FAM171A1: variants seen among roughly 807,000 people sequenced by gnomAD.
FAM171A1 encodes protein FAM171A1.
FAM171A1 carries 23 observed loss-of-function variants against 74.9 expected under a neutral mutation model. The ratio of observed to expected loss-of-function variants is 0.31; its 90% CI spans 0.22 to 0.44. The LOEUF (loss-of-function observed/expected upper bound fraction) is 0.44. FAM171A1 is among the 20% of genes least tolerant of loss of function. The probability of loss-of-function intolerance (pLI) is 1.00; values close to 1 mark genes in which losing one functional copy is unlikely to be tolerated. For synonymous variants in FAM171A1, 527 were observed against 505.7 expected, an observed-to-expected ratio of 1.04 and a Z score of -0.57; for missense variants, 1,162 against 1,159.2, an observed-to-expected ratio of 1.00 and a Z score of -0.03.
In FAM171A1 at chr10:15,327,999, G is replaced by A. The variant is rs185224588; in HGVS notation, c.97+42957C>T. ...AATCTCGGTCTAAAACTCTCAGTCC[G>A]AAAACTTGCCTCAGAACACTGTAGA... On this transcript the variant is annotated intron_variant, in intron 1 of 7. Coordinates refer to ENST00000378116, the MANE Select transcript of FAM171A1 (RefSeq NM_001010924.2). 6.1e-5 allele frequency among the ~76,000 whole-genome samples: 9 copies of A among 147,236 alleles called. No individual in the cohort carries two copies. The East Asian group carries it at 1.0e-3, about 16-fold the overall frequency.
At chr10:15,336,026 C>A (rs1050406533) in intron 1 of FAM171A1, among the ~76,000 whole-genome samples, 1 of 152,070 alleles carries the variant, frequency 6.6e-6, no homozygotes, top group Non-Finnish European at 1.5e-5. Flanking sequence ...TAATCAGGAA[C>A]TTAATACAGC....
chr10:15,299,844 G>C (rs1197019310), intron 1 of FAM171A1, among the ~76,000 whole-genome samples: 1 of 152,046 alleles, frequency 6.6e-6, no homozygotes, highest in Non-Finnish European at 1.5e-5. Context: ...CGGGCGTGGT[G>C]GTGGGTGCCT....
At chr10:15,274,655 C>T (rs1834869578) in intron 3 of FAM171A1, among the ~76,000 whole-genome samples, 1 of 152,122 alleles carries the variant, frequency 6.6e-6, no homozygotes, top group Non-Finnish European at 1.5e-5. Flanking sequence ...GTTACAGTAA[C>T]CAAAACAGCA....
At chr10:15,307,754 A>T (rs1835314422) in intron 1 of FAM171A1, among the ~76,000 whole-genome samples, 1 of 151,590 alleles carries the variant, frequency 6.6e-6, no homozygotes, top group Non-Finnish European at 1.5e-5. Context: ...TTTCCTTCCT[A>T]ATCAACCAAC....
At chr10:15,218,763 TA>T (rs1472133801) in intron 6 of FAM171A1, among the ~76,000 whole-genome samples, 1 of 151,956 alleles carries the variant, frequency 6.6e-6, no homozygotes, top group African/African-American at 2.4e-5. Context: ...ACTGGCTAAT[TA>T]AAAAAAATTT....
rs898863593 is a variant in FAM171A1, at chr10:15,214,127, A to G, written c.1461T>C (p.Gly487=). The part of the protein sequence containing the change: ...YESSGNDDYR[G]SYNTVLSQPL... Reference sequence around the variant, plus strand: ...GCTGTGAGAGCACGGTGTTGTAACTACCCCTGTAGTCATCATTGCCCGAGG... The same window carrying G: ...GCTGTGAGAGCACGGTGTTGTAACTGCCCCTGTAGTCATCATTGCCCGAGG... The change falls in exon 8 of 8, where the codon GGT becomes GGC. Residue 487 remains glycine (G), a synonymous_variant. Coordinates refer to ENST00000378116, the MANE Select transcript of FAM171A1 (RefSeq NM_001010924.2). The G allele has an allele frequency of 1.9e-6, 3 of 1,613,640 alleles. No individual in the cohort carries two copies. Among genetic ancestry groups the G allele is most frequent in the African/African-American group, 1.3e-5 (1 of 74,776 alleles).
At position 15,348,718 on chromosome 10, in the gene FAM171A1, C is replaced by T. The variant is rs1194796967; in HGVS notation, c.97+22238G>A. Among the ~76,000 whole-genome samples the T allele has an allele frequency of 5.9e-5, 9 of 152,204 alleles. No individual in the cohort carries two copies. The East Asian group carries it at 9.6e-4, about 16-fold the overall frequency. The stretch of plus-strand genomic sequence containing the variant: ...GCCACACGGGACCCTGAATTTGAAT[C>T]TGCATTTAACAAGATCCCCAGCTGA... On this transcript the variant is annotated intron_variant, in intron 1 of 7. Coordinates refer to ENST00000378116, the MANE Select transcript of FAM171A1 (RefSeq NM_001010924.2).
intron 1 of FAM171A1, among the ~76,000 whole-genome samples, chr10:15,324,807 T>A (rs374976522): frequency 3.3e-5 from 5 of 152,284 alleles, no homozygotes; most frequent in Admixed American, 2.0e-4. Flanking sequence ...TTTGTTGTCA[T>A]GATAGAAACC....
intron 7 of FAM171A1, among the ~76,000 whole-genome samples, chr10:15,214,886 G>A (rs572455538): frequency 8.9e-4 from 135 of 151,194 alleles, no homozygotes; most frequent in African/African-American, 3.1e-3. Context: ...TCAGCCTCCC[G>A]AGCAGCTGGC....
Position 15,262,150 on chromosome 10 carries a change from G to A in FAM171A1, c.419-7271C>T, listed in dbSNP as rs181808955. On this transcript the variant is annotated intron_variant, in intron 3 of 7. Transcript: ENST00000378116. ...AATCAATGAGTTTGGATTTGTGTGG[G>A]CCTGCAGGGGAGAGCGTGTGGGAGT... Among the ~76,000 whole-genome samples, 428 of 152,270 alleles carry A rather than the reference G, an allele frequency of 2.8e-3. 1 individual carries two copies. Among genetic ancestry groups the A allele is most frequent in the African/African-American group, 9.8e-3 (407 of 41,546 alleles).
chr10:15,368,793 G>A lies in FAM171A1; in HGVS notation c.97+2163C>T, dbSNP rs554930751. ...GAGAACACATGAATTTTAAAACTAC[G>A]TCATACTACAGCAAGTGAACATTAA... On this transcript the variant is annotated intron_variant, in intron 1 of 7. Transcript: ENST00000378116. Among the ~76,000 whole-genome samples, 7 of 152,252 alleles carry A rather than the reference G, an allele frequency of 4.6e-5. No individual in the cohort carries two copies. In the East Asian group the frequency reaches 5.8e-4, roughly 13 times the overall value.
intron 1 of FAM171A1, among the ~76,000 whole-genome samples, chr10:15,319,717 G>A (rs1204315973): frequency 2.0e-5 from 3 of 152,152 alleles, no homozygotes; most frequent in African/African-American, 7.2e-5. Flanking sequence ...ACAGGCATGA[G>A]CCACCCCGCC....
chr10:15,275,868 T>C lies in FAM171A1; in HGVS notation c.405A>G (p.Val135=). The change falls in exon 3 of 8, where the codon GTA becomes GTG. Residue 135 remains valine (V), a synonymous_variant. Transcript: ENST00000378116. Reference sequence around the variant, plus strand: ...TATTAAATATACCTTGGAATCCTGATACTATTTGGACGACATCTTCATATA... The same window carrying C: ...TATTAAATATACCTTGGAATCCTGACACTATTTGGACGACATCTTCATATA... The part of the protein sequence containing the change: ...LMVYEDVVQI[V]SGFQGARPQP... 6.2e-7 allele frequency: 1 copy of C among 1,607,782 alleles called. No homozygotes were observed. The highest frequency in any genetic ancestry group is 8.5e-7 in the Non-Finnish European group (1 of 1,176,112).
At chr10:15,356,029 TAATAG>T (rs914272820) in intron 1 of FAM171A1, among the ~76,000 whole-genome samples, 3 of 151,998 alleles carry the variant, frequency 2.0e-5, no homozygotes, top group Non-Finnish European at 2.9e-5. Flanking sequence ...TTTGATGGGC[TAATAG>T]AATAAAGAAA....
At chr10:15,316,348 C>T (rs906214169) in intron 1 of FAM171A1, among the ~76,000 whole-genome samples, 3 of 152,208 alleles carry the variant, frequency 2.0e-5, no homozygotes, top group African/African-American at 7.2e-5. Context: ...CAGCGCGTGG[C>T]CTCCTTCCCT....
chr10:15,355,056 T>C (rs977106793), intron 1 of FAM171A1, among the ~76,000 whole-genome samples: 2 of 152,204 alleles, frequency 1.3e-5, no homozygotes, highest in Non-Finnish European at 2.9e-5. Context: ...TCAAGTAACA[T>C]CTAGAAGCTG....
At chr10:15,299,647 C>G (rs1472752268) in intron 1 of FAM171A1, among the ~76,000 whole-genome samples, 1 of 151,638 alleles carries the variant, frequency 6.6e-6, no homozygotes, top group Non-Finnish European at 1.5e-5. Flanking sequence ...TACGTGGGAG[C>G]CAGTAGTGAA....
intron 1 of FAM171A1, among the ~76,000 whole-genome samples, chr10:15,321,123 T>A (rs973415373): frequency 2.6e-5 from 4 of 152,308 alleles, no homozygotes; most frequent in Admixed American, 6.5e-5. Flanking sequence ...AGTTTGCTAC[T>A]GGGGAAAGGT....
At chr10:15,289,295 C>A (rs904086457) in intron 1 of FAM171A1, among the ~76,000 whole-genome samples, 3 of 152,118 alleles carry the variant, frequency 2.0e-5, no homozygotes, top group African/African-American at 7.2e-5. Context: ...TATAGGAAGA[C>A]CCCATAAACG....
Sources: allele counts gnomAD v4.1 joint callset (sites outside exome capture counted in the v4.1 genomes callset), GRCh38; gene constraint gnomAD v4.1.1; transcripts MANE v1.5; gene names NCBI Gene and HGNC (gene_info 2026-07-23, HGNC 2026-07-21).